Variants in CNTN5 observed in about 807,000 individuals in gnomAD.
CNTN5 encodes the protein contactin 5, also known as contactin-5.
Under a neutral mutation model 129.1 loss-of-function variants are expected in CNTN5, and 77 were observed. The observed-to-expected ratio is 0.60, with a 90% CI of 0.50 to 0.72. CNTN5 has a LOEUF of 0.72. Among genes scored for constraint, CNTN5 ranks in the 30% least tolerant of loss-of-function variants. The pLI is 0.00. For missense variants in CNTN5, 1,478 were observed against 1,328.8 expected, an observed-to-expected ratio of 1.11 and a Z score of -1.75; for synonymous variants, 509 against 465.6, an observed-to-expected ratio of 1.09 and a Z score of -1.20.
intron 3 of CNTN5, among the ~76,000 whole-genome samples, chr11:99,610,166 G>A (rs1950552285): frequency 6.6e-6 from 1 of 152,122 alleles, no homozygotes; most frequent in Non-Finnish European, 1.5e-5. Flanking sequence ...TTAGCATAAT[G>A]TATGACATAC....
At position 100,002,024 on chromosome 11, in the gene CNTN5, T is replaced by C; in HGVS notation, c.878-10T>C. On this transcript the variant is annotated splice_polypyrimidine_tract_variant and intron_variant, in intron 8 of 24. Transcript: ENST00000524871. ...CATTTGATGCTTAAAGACTATTCTT[T>C]CTTTCTAAGGTGTGATGGGAGAATA... 1 of 1,549,146 alleles carries C rather than the reference T, an allele frequency of 6.5e-7. No homozygotes were observed. Among genetic ancestry groups the C allele is most frequent in the Admixed American group, 2.0e-5 (1 of 50,408 alleles).
At chr11:99,043,578 C>A (rs996588144) in intron 1 of CNTN5, among the ~76,000 whole-genome samples, 3 of 152,028 alleles carry the variant, frequency 2.0e-5, no homozygotes, top group Non-Finnish European at 4.4e-5. Context: ...GCTTCCTATT[C>A]GAAAAAGTGG....
chr11:99,664,010 C>T (rs529664168), intron 3 of CNTN5, among the ~76,000 whole-genome samples: 3 of 152,190 alleles, frequency 2.0e-5, no homozygotes, highest in South Asian at 2.1e-4. Flanking sequence ...AGACTAGCCA[C>T]GTTTCAAATG....
intron 23 of CNTN5, among the ~76,000 whole-genome samples, chr11:100,346,205 C>A (rs1952274572): frequency 6.6e-6 from 1 of 152,064 alleles, no homozygotes; most frequent in South Asian, 2.1e-4. Context: ...TTTATTTTTA[C>A]AACTCCTATA....
chr11:100,134,821 C>T (rs147105355), intron 13 of CNTN5, among the ~76,000 whole-genome samples: 1 of 152,242 alleles, frequency 6.6e-6, no homozygotes, highest in Non-Finnish European at 1.5e-5. Context: ...AATACAAGCA[C>T]AGTGAGTTGC....
intron 18 of CNTN5, among the ~76,000 whole-genome samples, chr11:100,280,314 TCTTTC>T (rs1270189129): frequency 6.6e-6 from 1 of 152,036 alleles, no homozygotes; most frequent in Non-Finnish European, 1.5e-5. Flanking sequence ...GGCGTATCTC[TCTTTC>T]CTTACCTCTC....
chr11:99,844,090 A>G (rs1947602706), intron 4 of CNTN5, among the ~76,000 whole-genome samples: 1 of 152,186 alleles, frequency 6.6e-6, no homozygotes, highest in Non-Finnish European at 1.5e-5. Context: ...GCTTCAAATT[A>G]CTTTTATCAC....
chr11:99,255,152 A>G (rs1202331442), intron 1 of CNTN5, among the ~76,000 whole-genome samples: 1 of 151,962 alleles, frequency 6.6e-6, no homozygotes, highest in African/African-American at 2.4e-5. Context: ...TTACTTGAAT[A>G]GAATAGAACA....
chr11:100,304,520 G>T (rs535626467), intron 20 of CNTN5, among the ~76,000 whole-genome samples: 22 of 151,596 alleles, frequency 1.5e-4, no homozygotes, highest in Non-Finnish European at 2.8e-4. Flanking sequence ...TTAATAGTGA[G>T]CCTGTGGCAG....
chr11:100,191,472 T>G (rs1948491519), intron 14 of CNTN5, among the ~76,000 whole-genome samples: 1 of 152,110 alleles, frequency 6.6e-6, no homozygotes, highest in Admixed American at 6.6e-5. Context: ...AAATTTTATT[T>G]TGCTTTGAAT....
intron 3 of CNTN5, among the ~76,000 whole-genome samples, chr11:99,766,786 G>T (rs1402208164): frequency 6.6e-6 from 1 of 151,836 alleles, no homozygotes; most frequent in Non-Finnish European, 1.5e-5. Flanking sequence ...TTAAAAACTT[G>T]CATTTGTTAA....
intron 7 of CNTN5, among the ~76,000 whole-genome samples, chr11:99,928,176 C>T (rs555335267): frequency 2.1e-4 from 32 of 152,298 alleles, no homozygotes; most frequent in South Asian, 2.1e-3. Flanking sequence ...TGGGCAACTC[C>T]GCCCCTTACA....
intron 3 of CNTN5, among the ~76,000 whole-genome samples, chr11:99,694,308 T>A (rs1293891614): frequency 2.0e-5 from 3 of 152,094 alleles, no homozygotes; most frequent in Admixed American, 2.0e-4. Flanking sequence ...CAAAATTATT[T>A]ATTTAATGTT....
chr11:100,337,394 C>T, intron 21 of CNTN5: 1 of 778,210 alleles, frequency 1.3e-6, no homozygotes, highest in Non-Finnish European at 2.4e-6. Context: ...GAGAGAGCAC[C>T]TATCAGCAAT....
intron 2 of CNTN5, among the ~76,000 whole-genome samples, chr11:99,501,161 A>C (rs1055568157): frequency 1.3e-5 from 2 of 152,178 alleles, no homozygotes; most frequent in Non-Finnish European, 2.9e-5. Flanking sequence ...TAATTGAATG[A>C]ATGGTTGAAT....
At chr11:100,059,601 A>G (rs1943378417) in intron 9 of CNTN5, among the ~76,000 whole-genome samples, 1 of 152,082 alleles carries the variant, frequency 6.6e-6, no homozygotes, top group African/African-American at 2.4e-5. Context: ...AAGATGTTCA[A>G]CCTCCTTAGG....
chr11:99,121,138 T>TCTTTCTTTCTTTCTTTCTTTC (rs201431995), intron 1 of CNTN5, among the ~76,000 whole-genome samples: 50 of 146,900 alleles, frequency 3.4e-4, no homozygotes, highest in African/African-American at 9.4e-4. Context: ...TTTCTTTCTT[T>TCTTTCTTTCTTTCTTTCTTTC]TTTTTTTTTT....
intron 3 of CNTN5, among the ~76,000 whole-genome samples, chr11:99,771,414 G>A (rs1944941296): frequency 6.6e-6 from 1 of 151,694 alleles, no homozygotes; most frequent in African/African-American, 2.4e-5. Flanking sequence ...GTATATACCA[G>A]ACACATTTAC....
chr11:99,915,974 A>G (rs1949778673), intron 6 of CNTN5, 80 bp from the exon 7 acceptor site: 2 of 1,102,750 alleles, frequency 1.8e-6, no homozygotes, highest in African/African-American at 1.6e-5. Flanking sequence ...ATAACGATAG[A>G]AAGTAAGTAC....
Sources: gnomAD v4.1 joint callset for allele counts (sites outside exome capture counted in the v4.1 genomes callset) on GRCh38, gnomAD v4.1.1 for gene constraint, MANE v1.5 for transcripts, NCBI Gene and HGNC (gene_info 2026-07-23, HGNC 2026-07-21) for gene names.